Variants in GKAP1 observed in about 807,000 individuals in gnomAD.
GKAP1 encodes G kinase anchoring protein 1.
Under a neutral mutation model 56.7 loss-of-function variants are expected in GKAP1, and 31 were observed. The ratio of observed to expected loss-of-function variants is 0.55; its 90% CI spans 0.41 to 0.74. GKAP1 has a LOEUF of 0.74. Ranked by LOEUF, GKAP1 falls within the 30% of genes least tolerant of loss-of-function variation. The probability of loss-of-function intolerance (pLI) is 0.00; values close to 1 mark genes in which losing one functional copy is unlikely to be tolerated. For missense variants in GKAP1, 364 were observed against 402.3 expected (o/e 0.90, Z 0.82); for synonymous variants, 151 against 138.6 (o/e 1.09, Z -0.63).
At chr9:83,767,643 A>C (rs770936658) in intron 8 of GKAP1, among the ~76,000 whole-genome samples, 3 of 151,866 alleles carry the variant, frequency 2.0e-5, no homozygotes, top group Non-Finnish European at 4.4e-5. Flanking sequence ...GATTACAGGC[A>C]TAAGCCACAG....
At chr9:83,795,024 C>T (rs1373287892) in intron 4 of GKAP1, among the ~76,000 whole-genome samples, 2 of 151,962 alleles carry the variant, frequency 1.3e-5, no homozygotes, top group African/African-American at 2.4e-5. Context: ...GGCGTGGTGG[C>T]ACATGCCTGT....
chr9:83,758,240 T>A (rs561099779), intron 8 of GKAP1, among the ~76,000 whole-genome samples: 192 of 152,274 alleles, frequency 1.3e-3, no homozygotes, highest in African/African-American at 4.5e-3. Flanking sequence ...AAAAATTAAA[T>A]GTATGATCAG....
intron 7 of GKAP1, among the ~76,000 whole-genome samples, chr9:83,772,531 A>T (rs1399879872): frequency 6.6e-6 from 1 of 152,218 alleles, no homozygotes; most frequent in African/African-American, 2.4e-5. Flanking sequence ...CAATCCATAA[A>T]GTCACAAACT....
intron 2 of GKAP1, among the ~76,000 whole-genome samples, chr9:83,812,294 TATATATACGTATAC>T (rs1343172046): frequency 2.0e-5 from 3 of 148,226 alleles, no homozygotes; most frequent in African/African-American, 4.9e-5. Context: ...TATATACGTA[TATATATACGTATAC>T]ATATATATGT....
At position 83,776,407 on chromosome 9, in the gene GKAP1, T is replaced by C. The variant is rs145332997; in HGVS notation, c.585+3975A>G. ...CCTAAAAAAAAGAAAAGAAACAAAA[T>C]AAAAAATTTAGGCCAGGTGCAGTGG... On this transcript the variant is annotated intron_variant, in intron 7 of 12. Coordinates refer to ENST00000376371, the MANE Select transcript of GKAP1 (RefSeq NM_025211.4). 4.8e-3 allele frequency among the ~76,000 whole-genome samples: 726 copies of C among 152,076 alleles called. 3 individuals are homozygous for C. Among genetic ancestry groups the C allele is most frequent in the African/African-American group, 0.014 (571 of 41,516 alleles).
intron 6 of GKAP1, among the ~76,000 whole-genome samples, chr9:83,782,160 T>C (rs1046246856): frequency 1.3e-5 from 2 of 151,604 alleles, no homozygotes; most frequent in Admixed American, 6.6e-5. Flanking sequence ...CTTTTTTTTT[T>C]AAGAGACAAG....
chr9:83,784,692 TA>T, intron 6 of GKAP1, 22 bp downstream of exon 6: 1 of 1,516,456 alleles, frequency 6.6e-7, no homozygotes, highest in Non-Finnish European at 8.9e-7. Flanking sequence ...TCTTTTAGCA[TA>T]ATAGCATTGT....
At chr9:83,797,672 C>T (rs1944269387) in intron 4 of GKAP1, among the ~76,000 whole-genome samples, 1 of 152,178 alleles carries the variant, frequency 6.6e-6, no homozygotes, top group African/African-American at 2.4e-5. Flanking sequence ...GGCCAAGTCA[C>T]ACTATTTCCT....
chr9:83,754,616 A>G (rs1390172211), intron 8 of GKAP1, among the ~76,000 whole-genome samples: 1 of 152,216 alleles, frequency 6.6e-6, no homozygotes, highest in Non-Finnish European at 1.5e-5. Flanking sequence ...AAGGCCATGC[A>G]GGAAGGGCCT....
At position 83,779,488 on chromosome 9, in the gene GKAP1, T is replaced by C. The variant is rs1409169431; in HGVS notation, c.585+894A>G. Among the ~76,000 whole-genome samples, 25 of 121,556 alleles carry C rather than the reference T, an allele frequency of 2.1e-4. 1 individual carries two copies. Among genetic ancestry groups the C allele is most frequent in the African/African-American group, 4.3e-4 (15 of 34,998 alleles). The allele number at this position is 121,556 out of a possible 152,430, so 79.7% of individuals were successfully genotyped here. On this transcript the variant is annotated intron_variant, in intron 7 of 12. Coordinates refer to ENST00000376371, the MANE Select transcript of GKAP1 (RefSeq NM_025211.4). ...ACGCACATATACATATACATACATATATACACATATACACATATATGTGTA... is the reference window on the plus strand; with the variant it reads ...ACGCACATATACATATACATACATACATACACATATACACATATATGTGTA...
intron 8 of GKAP1, among the ~76,000 whole-genome samples, chr9:83,753,989 T>TTA (rs1307617306): frequency 1.3e-5 from 2 of 152,188 alleles, no homozygotes; most frequent in Non-Finnish European, 2.9e-5. Flanking sequence ...CTTAAAAAGA[T>TTA]AGTAAAGACT....
At chr9:83,801,884 T>C (rs1944336730) in intron 3 of GKAP1, among the ~76,000 whole-genome samples, 1 of 152,174 alleles carries the variant, frequency 6.6e-6, no homozygotes. Context: ...AGTTACTGTG[T>C]GGATAGCATT....
At chr9:83,789,545 G>A (rs961614471) in intron 4 of GKAP1, among the ~76,000 whole-genome samples, 2 of 152,132 alleles carry the variant, frequency 1.3e-5, no homozygotes. Flanking sequence ...GGCATCTCTT[G>A]TTTTTATCTG....
chr9:83,753,361 T>G lies in GKAP1; in HGVS notation c.739-2A>C. 2 of 1,542,556 alleles carry G rather than the reference T, an allele frequency of 1.3e-6. No homozygotes were observed. The highest frequency in any genetic ancestry group is 1.8e-6 in the Non-Finnish European group (2 of 1,116,590). On this transcript the variant is annotated splice_acceptor_variant, in intron 8 of 12. Coordinates refer to ENST00000376371, the MANE Select transcript of GKAP1 (RefSeq NM_025211.4). LOFTEE classifies it high-confidence loss of function. ...TCTTCCATCTTTCAGAACCACTTCC[T>G]GAAAAGAGAGAAACAACACTTTAGG...
At chr9:83,755,051 G>A (rs1210361347) in intron 8 of GKAP1, among the ~76,000 whole-genome samples, 1 of 152,142 alleles carries the variant, frequency 6.6e-6, no homozygotes, top group African/African-American at 2.4e-5. Flanking sequence ...TGAGGAAGAT[G>A]AACACTACAA....
chr9:83,812,309 A>G (rs1564218643), intron 2 of GKAP1, among the ~76,000 whole-genome samples: 2 of 148,072 alleles, frequency 1.4e-5, no homozygotes, highest in African/African-American at 2.5e-5. Flanking sequence ...ATACGTATAC[A>G]TATATATGTA....
chr9:83,764,393 G>A (rs1423081755), intron 8 of GKAP1, among the ~76,000 whole-genome samples: 1 of 152,124 alleles, frequency 6.6e-6, no homozygotes, highest in Non-Finnish European at 1.5e-5. Flanking sequence ...CACCATGATT[G>A]TAAGCCTCCT....
chr9:83,797,409 A>C (rs894685674), intron 4 of GKAP1, among the ~76,000 whole-genome samples: 1 of 152,164 alleles, frequency 6.6e-6, no homozygotes, highest in Admixed American at 6.6e-5. Flanking sequence ...CTACTTTTGA[A>C]ATCTATTATT....
intron 5 of GKAP1, among the ~76,000 whole-genome samples, chr9:83,788,117 A>C (rs1479217545): frequency 1.3e-5 from 2 of 152,200 alleles, no homozygotes; most frequent in Middle Eastern, 3.4e-3. Flanking sequence ...ATCTCTACTA[A>C]AAAAACAAAA....
Sources: allele counts gnomAD v4.1 joint callset (sites outside exome capture counted in the v4.1 genomes callset), GRCh38; gene constraint gnomAD v4.1.1; transcripts MANE v1.5; gene names NCBI Gene and HGNC (gene_info 2026-07-23, HGNC 2026-07-21).